Variants in CYB5RL observed in about 807,000 individuals in gnomAD.
CYB5RL encodes the protein cytochrome b5 reductase like, also known as NADH-cytochrome b5 reductase-like.
Under a neutral mutation model 37.5 loss-of-function variants are expected in CYB5RL, and 38 were observed. The observed-to-expected ratio is 1.01, with a 90% CI of 0.78 to 1.33. The LOEUF (loss-of-function observed/expected upper bound fraction) is 1.33. Among genes scored for constraint, CYB5RL ranks in the 40% most tolerant of loss-of-function variants. CYB5RL has a pLI of 0.00. For synonymous variants in CYB5RL, 141 were observed against 151.9 expected (o/e 0.93, Z 0.53); for missense variants, 388 against 394.4 (o/e 0.98, Z 0.14).
chr1:54,193,505 T>C (rs1328228498), intron 3 of CYB5RL, among the ~76,000 whole-genome samples: 1 of 152,212 alleles, frequency 6.6e-6, no homozygotes, highest in African/African-American at 2.4e-5. Flanking sequence ...CAGAGCACTC[T>C]AGTCCCCATC....
At chr1:54,189,960 G>C (rs149543243) in intron 4 of CYB5RL, among the ~76,000 whole-genome samples, 2 of 152,320 alleles carry the variant, frequency 1.3e-5, no homozygotes, top group African/African-American at 4.8e-5. Flanking sequence ...TCCAGGGTTT[G>C]GTCCTGTGCG....
At chr1:54,182,021 A>G (rs974066160) in intron 6 of CYB5RL, among the ~76,000 whole-genome samples, 3 of 152,196 alleles carry the variant, frequency 2.0e-5, no homozygotes, top group African/African-American at 7.2e-5. Context: ...GAGCAGCCAC[A>G]AGGCATTGGG....
chr1:54,179,402 C>T (rs1171117405), intron 6 of CYB5RL, 50 bp from the exon 7 acceptor site: 3 of 1,558,356 alleles, frequency 1.9e-6, no homozygotes, highest in Non-Finnish European at 2.6e-6. Context: ...AGAGTCTCAC[C>T]TTATCCCCTC....
In CYB5RL at chr1:54,195,455, G is replaced by A; in HGVS notation, c.162C>T (p.Ser54=). ...DLARWEAAQA[S]KDRSLLRGPE... is the part of the protein sequence containing the mutation. Reference sequence around the variant, plus strand: ...GCCCACGCAGCAGGCTCCTGTCCTTGCTGGCTTGGGCTGCCTCCCACCTTG... The same window carrying A: ...GCCCACGCAGCAGGCTCCTGTCCTTACTGGCTTGGGCTGCCTCCCACCTTG... The change falls in exon 3 of 8, where the codon AGC becomes AGT. Residue 54 remains serine, a synonymous_variant. Transcript: ENST00000534324. 1 of 1,610,794 alleles carries A rather than the reference G, an allele frequency of 6.2e-7. No individual in the cohort carries two copies.
intron 5 of CYB5RL, chr1:54,186,371 T>C (rs188176517): frequency 6.6e-6 from 1 of 152,354 alleles, no homozygotes; most frequent in Admixed American, 6.5e-5. Flanking sequence ...ACAGAGGCAG[T>C]ACCTGGTGCC....
intron 5 of CYB5RL, chr1:54,186,246 G>A (rs929378150): frequency 5.3e-5 from 8 of 152,224 alleles, no homozygotes; most frequent in African/African-American, 1.9e-4. Flanking sequence ...AAGAGGCCTT[G>A]AGACAAATGA....
chr1:54,195,412 C>T lies in CYB5RL; in HGVS notation c.198+7G>A, dbSNP rs1273138880. The T allele has an allele frequency of 1.3e-6, 2 of 1,577,172 alleles. No homozygotes were observed. The highest frequency in any genetic ancestry group is 1.7e-5 in the Admixed American group (1 of 57,858). On this transcript the variant is annotated splice_region_variant and intron_variant, in intron 3 of 7. Transcript: ENST00000534324. ...TGGTGCTCATATCGAGAAGCAGCCT[C>T]TCTCACCTGTGACTCTGGCCCACGC... is the stretch of plus-strand genomic sequence containing the variant.
chr1:54,198,036 A>T (rs1321583194), intron 1 of CYB5RL, among the ~76,000 whole-genome samples: 1 of 67,802 alleles, frequency 1.5e-5, no homozygotes, highest in Non-Finnish European at 3.6e-5. Flanking sequence ...TCAAAAAAAA[A>T]AAAAAAAAAA....
chr1:54,199,573 G>A (rs891468586), intron 1 of CYB5RL, among the ~76,000 whole-genome samples: 2 of 152,218 alleles, frequency 1.3e-5, no homozygotes, highest in Admixed American at 1.3e-4. Context: ...ACACACAGCA[G>A]GCAGCTGACA....
intron 5 of CYB5RL, 48 bp downstream of exon 5, chr1:54,187,604 C>G (rs753755086): frequency 6.4e-7 from 1 of 1,573,974 alleles, no homozygotes; most frequent in Non-Finnish European, 8.7e-7. Flanking sequence ...ATTCTTAGAC[C>G]CATAGCTTCT....
intron 7 of CYB5RL, among the ~76,000 whole-genome samples, chr1:54,177,480 C>G (rs1660049143): frequency 6.6e-6 from 1 of 152,194 alleles, no homozygotes; most frequent in Non-Finnish European, 1.5e-5. Flanking sequence ...TGCCTGGCCT[C>G]TACCCACCAC....
chr1:54,174,222 T>C lies in CYB5RL; in HGVS notation c.*397A>G. ...AGGAGCCCCTAATCCGAGATGGTGC[T>C]GAGGCCACAGTTGGAGCCCCCATTA... On this transcript the variant is annotated 3_prime_UTR_variant, in exon 8 of 8. Transcript: ENST00000534324. 1 of 253,952 alleles carries C rather than the reference T, an allele frequency of 3.9e-6. No homozygotes were observed. The highest frequency in any genetic ancestry group is 7.9e-6 in the Non-Finnish European group (1 of 127,000). The allele number at this position is 253,952 out of a possible 1,614,324, so 15.7% of individuals were successfully genotyped here. A position where few individuals can be genotyped will look rare whatever the true frequency, so the allele number is the denominator to read the frequency against.
chr1:54,198,442 C>T (rs2100491847), intron 1 of CYB5RL, among the ~76,000 whole-genome samples: 1 of 151,426 alleles, frequency 6.6e-6, no homozygotes, highest in South Asian at 2.1e-4. Context: ...ACATCATTCT[C>T]TTGCCTCAGC....
Position 54,172,982 on chromosome 1 carries a change from T to C in CYB5RL, c.*1637A>G, listed in dbSNP as rs1396107538. On this transcript the variant is annotated 3_prime_UTR_variant, in exon 8 of 8. Coordinates refer to ENST00000534324, the MANE Select transcript of CYB5RL (RefSeq NM_001031672.4). ...CTACGAAACCCACAGAAAAGTGTTC[T>C]ATAGTTAAATAAGCTTGAAAAACTC... is the stretch of plus-strand genomic sequence containing the variant. The C allele has an allele frequency of 1.3e-5, 2 of 152,260 alleles. No individual in the cohort carries two copies. Among genetic ancestry groups the C allele is most frequent in the East Asian group, 3.8e-4 (2 of 5,202 alleles). The allele number at this position is 152,260 out of a possible 1,614,324, so 9.4% of individuals were successfully genotyped here.
At position 54,169,998 on chromosome 1, in the gene CYB5RL, G is replaced by A. The variant is rs1418017094; in HGVS notation, c.*4621C>T. 1 of 152,172 alleles carries A rather than the reference G, an allele frequency of 6.6e-6. No individual in the cohort carries two copies. The highest frequency in any genetic ancestry group is 1.9e-4 in the East Asian group (1 of 5,206). 9.4% of individuals were successfully genotyped at this position (152,172 alleles called of 1,614,324 possible). ...AATGTACATTTCACTTAGTTATTATGTTTTTAGGACTTCGTCTATATTGGT... is the reference window on the plus strand; with the variant it reads ...AATGTACATTTCACTTAGTTATTATATTTTTAGGACTTCGTCTATATTGGT... On this transcript the variant is annotated 3_prime_UTR_variant, in exon 8 of 8. Coordinates refer to ENST00000534324, the MANE Select transcript of CYB5RL (RefSeq NM_001031672.4).
chr1:54,187,845 G>A (rs1643916790), intron 4 of CYB5RL, 106 bp from the exon 5 acceptor site: 2 of 929,832 alleles, frequency 2.2e-6, no homozygotes. Flanking sequence ...GGAGGCCGAG[G>A]TGGGCTGATC....
intron 7 of CYB5RL, 120 bp from the exon 8 acceptor site, chr1:54,174,942 A>G: frequency 1.0e-6 from 1 of 975,508 alleles, no homozygotes; most frequent in East Asian, 2.6e-5. Flanking sequence ...AAGCCAACCT[A>G]TATCCAGGCC....
chr1:54,171,432 G>A lies in CYB5RL; in HGVS notation c.*3187C>T, dbSNP rs1425391421. Reference sequence around the variant, plus strand: ...TGTGGGGAAAACTGGTCTGGTCTCAGCGTGGAGGTGGCATGGAGACTGGGA... The same window carrying A: ...TGTGGGGAAAACTGGTCTGGTCTCAACGTGGAGGTGGCATGGAGACTGGGA... On this transcript the variant is annotated 3_prime_UTR_variant, in exon 8 of 8. Coordinates refer to ENST00000534324, the MANE Select transcript of CYB5RL (RefSeq NM_001031672.4). The A allele has an allele frequency of 4.4e-6, 2 of 456,164 alleles. No homozygotes were observed. Among genetic ancestry groups the A allele is most frequent in the East Asian group, 1.4e-4 (2 of 14,392 alleles). The allele number at this position is 456,164 out of a possible 1,614,324, so 28.3% of individuals were successfully genotyped here.
At chr1:54,187,764 G>A (rs1374275974) in intron 4 of CYB5RL, 25 bp from the exon 5 acceptor site, 1 of 1,600,302 alleles carries the variant, frequency 6.2e-7, no homozygotes, top group South Asian at 1.1e-5. Flanking sequence ...TGTGCAGTCA[G>A]TCAGCCAGTC....
Sources: allele counts gnomAD v4.1 joint callset (sites outside exome capture counted in the v4.1 genomes callset), GRCh38; gene constraint gnomAD v4.1.1; transcripts MANE v1.5; gene names NCBI Gene and HGNC (gene_info 2026-07-23, HGNC 2026-07-21).